Variants in LPP observed in about 807,000 individuals in gnomAD.
LPP encodes LIM domain containing preferred translocation partner in lipoma.
A neutral mutation model predicts 60.4 loss-of-function variants in LPP; 38 were observed. That is an observed-to-expected ratio of 0.63 (90% CI 0.49 to 0.83). The LOEUF (loss-of-function observed/expected upper bound fraction) is 0.83, where lower values mean the gene tolerates loss of function less well. Ranked by LOEUF, LPP falls within the 40% of genes least tolerant of loss-of-function variation. LPP has a pLI of 0.00. For synonymous variants in LPP, 328 were observed against 290.8 expected, an observed-to-expected ratio of 1.13 and a Z score of -1.30; for missense variants, 902 against 783.6, an observed-to-expected ratio of 1.15 and a Z score of -1.80.
At chr3:188,785,547 T>TATATATATATATATATATAC (rs1206082559) in intron 9 of LPP, among the ~76,000 whole-genome samples, 1 of 43,844 alleles carries the variant, frequency 2.3e-5, no homozygotes. Flanking sequence ...TATATATATA[T>TATATATATATATATATATAC]ACACACACAC....
chr3:188,205,277 C>CTTTTT (rs34713244), intron 1 of LPP, among the ~76,000 whole-genome samples: 9 of 103,412 alleles, frequency 8.7e-5, no homozygotes, highest in Non-Finnish European at 9.6e-5. Context: ...AGATTATAAT[C>CTTTTT]TTTTTTTTTT....
intron 7 of LPP, among the ~76,000 whole-genome samples, chr3:188,686,330 C>A (rs1860707633): frequency 6.6e-6 from 1 of 152,112 alleles, no homozygotes. Flanking sequence ...AAAGAGAGGG[C>A]ACAGCAAGAT....
intron 1 of LPP, among the ~76,000 whole-genome samples, chr3:188,184,685 CTTT>C (rs34173936): frequency 2.0e-4 from 25 of 124,656 alleles, no homozygotes; most frequent in South Asian, 2.7e-4. Context: ...CTCCGGTAAA[CTTT>C]TTTTTTTTTT....
In LPP at chr3:188,686,858, G is replaced by A. The variant is rs189250423; in HGVS notation, c.1114-21409G>A. ...TGTTATCTCAGTGTGCTATTTAAAAGCAGCACAAAAAACAAGGAGTGAAGA... is the reference window on the plus strand; with the variant it reads ...TGTTATCTCAGTGTGCTATTTAAAAACAGCACAAAAAACAAGGAGTGAAGA... On this transcript the variant is annotated intron_variant, in intron 7 of 11. Transcript: ENST00000617246. Among the ~76,000 whole-genome samples the A allele has an allele frequency of 8.5e-5, 13 of 152,266 alleles. No homozygotes were observed. In the South Asian group the frequency reaches 1.0e-3, roughly 12 times the overall value.
At chr3:188,466,293 G>A (rs1188970598) in intron 4 of LPP, among the ~76,000 whole-genome samples, 1 of 152,096 alleles carries the variant, frequency 6.6e-6, no homozygotes, top group African/African-American at 2.4e-5. Context: ...TAATGTGCCT[G>A]GAAAGTGCCT....
chr3:188,341,391 T>G (rs972289383), intron 2 of LPP, among the ~76,000 whole-genome samples: 55 of 152,360 alleles, frequency 3.6e-4, no homozygotes, highest in African/African-American at 1.3e-3. Flanking sequence ...ATATTCATTT[T>G]ATATGGTTTC....
rs530372211 is a variant in LPP, at chr3:188,642,800, G to T, written c.1113+32956G>T. On this transcript the variant is annotated intron_variant, in intron 7 of 11. Transcript: ENST00000617246. ...AAAAATACAAAATTAGCTGGGTGTG[G>T]TGGCACATGCCTGTAATCCCAGCTA... Among the ~76,000 whole-genome samples, 15 of 152,268 alleles carry T rather than the reference G, an allele frequency of 9.9e-5. No homozygotes were observed. In the South Asian group the frequency reaches 1.7e-3, roughly 17 times the overall value.
At chr3:188,330,010 A>G (rs1317340272) in intron 2 of LPP, among the ~76,000 whole-genome samples, 1 of 152,126 alleles carries the variant, frequency 6.6e-6, no homozygotes, top group Non-Finnish European at 1.5e-5. Flanking sequence ...TCTCTATTAA[A>G]GTTTCTTGCT....
intron 8 of LPP, among the ~76,000 whole-genome samples, chr3:188,723,949 G>A (rs1046709120): frequency 6.6e-6 from 1 of 152,088 alleles, no homozygotes; most frequent in African/African-American, 2.4e-5. Flanking sequence ...AGAAAAATGA[G>A]AAGAGGAGAT....
intron 3 of LPP, among the ~76,000 whole-genome samples, chr3:188,402,830 A>G (rs1782564458): frequency 6.6e-6 from 1 of 152,246 alleles, no homozygotes; most frequent in Non-Finnish European, 1.5e-5. Context: ...TAAAGAGCCT[A>G]GAAAAAGGAA....
At chr3:188,852,370 G>A (rs921172719) in intron 9 of LPP, among the ~76,000 whole-genome samples, 3 of 152,142 alleles carry the variant, frequency 2.0e-5, no homozygotes, top group African/African-American at 7.2e-5. Flanking sequence ...CCAGCTTTGG[G>A]ATAACCTAAC....
At chr3:188,648,357 G>C (rs1240935894) in intron 7 of LPP, among the ~76,000 whole-genome samples, 1 of 152,108 alleles carries the variant, frequency 6.6e-6, no homozygotes, top group African/African-American at 2.4e-5. Context: ...GGAATCCATT[G>C]AGCTCACAGA....
At chr3:188,712,379 A>G (rs1437364474) in intron 8 of LPP, 1 of 152,256 alleles carries the variant, frequency 6.6e-6, no homozygotes, top group Non-Finnish European at 1.5e-5. Context: ...GTTCCTAGGA[A>G]GGACAAGAGA....
chr3:188,228,285 T>G (rs35173249), intron 2 of LPP, among the ~76,000 whole-genome samples: 52,432 of 152,066 alleles, frequency 0.34, 9,936 homozygotes, highest in Non-Finnish European at 0.43. Flanking sequence ...GCATTGCTTG[T>G]TCATGTGTGT....
chr3:188,409,474 T>C (rs1275032170), intron 4 of LPP, among the ~76,000 whole-genome samples: 1 of 152,236 alleles, frequency 6.6e-6, no homozygotes, highest in Non-Finnish European at 1.5e-5. Context: ...TTAAATGTTA[T>C]CAGTGCATTC....
intron 2 of LPP, among the ~76,000 whole-genome samples, chr3:188,288,783 C>T (rs911403142): frequency 2.0e-5 from 3 of 151,296 alleles, no homozygotes; most frequent in Non-Finnish European, 4.4e-5. Flanking sequence ...CAAATAGCCT[C>T]TTAAAATCAA....
In LPP at chr3:188,854,172, C is replaced by G. The variant is rs182873217; in HGVS notation, c.1411-12028C>G. 2.1e-4 allele frequency among the ~76,000 whole-genome samples: 32 copies of G among 152,294 alleles called. 2 individuals are homozygous for G. The highest frequency in any genetic ancestry group is 1.7e-3 in the South Asian group (8 of 4,828). On this transcript the variant is annotated intron_variant, in intron 9 of 11. Transcript: ENST00000617246. ...AGGAGAAAACATCTGTATTTCCTGC[C>G]TCTTTGTCTTTAAGCAGTTATAGAA...
chr3:188,635,121 A>G (rs1848492238), intron 7 of LPP, among the ~76,000 whole-genome samples: 1 of 152,164 alleles, frequency 6.6e-6, no homozygotes, highest in Non-Finnish European at 1.5e-5. Context: ...TATGGGCTCC[A>G]TGTTTAAATT....
At chr3:188,215,696 T>C (rs1472582280) in intron 1 of LPP, among the ~76,000 whole-genome samples, 6 of 152,218 alleles carry the variant, frequency 3.9e-5, no homozygotes, top group African/African-American at 1.2e-4. Context: ...TTAACCTCCA[T>C]GTTATAGAAG....
Sources: gnomAD v4.1 joint callset for allele counts (sites outside exome capture counted in the v4.1 genomes callset) on GRCh38, gnomAD v4.1.1 for gene constraint, MANE v1.5 for transcripts, NCBI Gene and HGNC (gene_info 2026-07-23, HGNC 2026-07-21) for gene names.